ABCC11: variants seen among roughly 807,000 people sequenced by gnomAD.
ABCC11 encodes the protein ATP binding cassette subfamily C member 11.
In ABCC11, 135 loss-of-function variants were observed where a neutral mutation model predicts 149.3. The ratio of observed to expected loss-of-function variants is 0.90; its 90% CI spans 0.79 to 1.04. The LOEUF is 1.04. ABCC11 is among the 50% of genes least tolerant of loss of function. The pLI is 0.00. For synonymous variants in ABCC11, 665 were observed against 671.4 expected (o/e 0.99, Z 0.15); for missense variants, 1,680 against 1,722.1 (o/e 0.98, Z 0.43).
chr16:48,196,220 T>G lies in ABCC11; in HGVS notation c.2404+12A>C, dbSNP rs759832632. ...TCCAAGAGAGAGCCCTGGGCTGGCA[T>G]GGGGACCGTACCTCCAGCTGCCTGG... On this transcript the variant is annotated intron_variant, in intron 18 of 29. Transcript: ENST00000356608. 5.0e-6 allele frequency: 8 copies of G among 1,613,822 alleles called. No individual in the cohort carries two copies. Among genetic ancestry groups the G allele is most frequent in the Non-Finnish European group, 6.8e-6 (8 of 1,179,886 alleles).
At chr16:48,207,230 C>T (rs1313702326) in intron 12 of ABCC11, among the ~76,000 whole-genome samples, 1 of 152,038 alleles carries the variant, frequency 6.6e-6, no homozygotes, top group Non-Finnish European at 1.5e-5. Flanking sequence ...GGTTGGGGCT[C>T]CCTGGGGAAG....
intron 4 of ABCC11, 106 bp from the exon 5 acceptor site, chr16:48,224,535 C>CAG (rs1332502844): frequency 7.9e-7 from 1 of 1,260,132 alleles, no homozygotes; most frequent in East Asian, 2.3e-5. Context: ...TCAAACATAA[C>CAG]AGAATAGAAC....
At chr16:48,242,377 A>G (rs562634377) in intron 1 of ABCC11, among the ~76,000 whole-genome samples, 1 of 152,314 alleles carries the variant, frequency 6.6e-6, no homozygotes, top group South Asian at 2.1e-4. Context: ...AATGGCAATC[A>G]TTAAAAAGTC....
At chr16:48,245,283 CAT>C (rs1359006113) in intron 1 of ABCC11, among the ~76,000 whole-genome samples, 1 of 152,306 alleles carries the variant, frequency 6.6e-6, no homozygotes, top group Non-Finnish European at 1.5e-5. Context: ...CTCCTTCACT[CAT>C]AACATTTCTT....
chr16:48,216,247 T>C lies in ABCC11; in HGVS notation c.818A>G (p.Glu273Gly). The C allele has an allele frequency of 6.2e-7, 1 of 1,613,936 alleles. No individual in the cohort carries two copies. ...TACTAGGGGTCCATAGCACACCCCT[T>C]CAAACAGGTAGTTTACATCACCGGT... ...FFTGDVNYLF[E>G]GVCYGPLVLI... The change falls in exon 7 of 30, where the codon GAA becomes GGA. Residue 273 changes from glutamate to glycine, a missense_variant. Glu to Gly is a moderately conservative substitution (Grantham distance 98). Coordinates refer to ENST00000356608, the MANE Select transcript of ABCC11 (RefSeq NM_001370497.1).
At position 48,220,899 on chromosome 16, in the gene ABCC11, G is replaced by C. The variant is rs1969690860; in HGVS notation, c.777+1699C>G. 2.0e-5 allele frequency among the ~76,000 whole-genome samples: 3 copies of C among 152,160 alleles called. No individual in the cohort carries two copies. The South Asian group carries it at 6.2e-4, about 32-fold the overall frequency. On this transcript the variant is annotated intron_variant, in intron 6 of 29. Transcript: ENST00000356608. ...TCTGAAATGGTTTGTGTCTTTGAAG[G>C]GGGCTCATATTAGTAGGGCAGCCAG...
rs972453264 is a variant in ABCC11, at chr16:48,167,377, G to C, written c.4057-11C>G. The C allele has an allele frequency of 2.1e-6, 3 of 1,435,748 alleles. No individual in the cohort carries two copies. The highest frequency in any genetic ancestry group is 2.9e-6 in the Non-Finnish European group (3 of 1,017,272). The allele number at this position is 1,435,748 out of a possible 1,614,324, so 88.9% of individuals were successfully genotyped here. On this transcript the variant is annotated splice_polypyrimidine_tract_variant and intron_variant, in intron 29 of 29. Transcript: ENST00000356608. ...ATCAAATTCTACCACCTGGAGGGTA[G>C]AGAAAGGCGAGGGGAGGATCAGGGC...
At chr16:48,224,081 G>A (rs1270859429) in intron 5 of ABCC11, among the ~76,000 whole-genome samples, 1 of 152,158 alleles carries the variant, frequency 6.6e-6, no homozygotes, top group Non-Finnish European at 1.5e-5. Context: ...AATCCAAGCA[G>A]TGGCTACAGG....
intron 4 of ABCC11, among the ~76,000 whole-genome samples, chr16:48,227,446 A>G (rs1013962276): frequency 1.4e-4 from 21 of 150,692 alleles, no homozygotes; most frequent in African/African-American, 4.9e-4. Flanking sequence ...GCTGCACTCC[A>G]GCCTGGGTGA....
At position 48,227,820 on chromosome 16, in the gene ABCC11, G is replaced by A. The variant is rs1970172188; in HGVS notation, c.381C>T (p.Asp127=). 16 of 1,613,810 alleles carry A rather than the reference G, an allele frequency of 9.9e-6. No individual in the cohort carries two copies. Among genetic ancestry groups the A allele is most frequent in the Admixed American group, 3.3e-5 (2 of 59,988 alleles). ...IPPLSVHDAS[D]KNVQRLHRLW... is the part of the protein sequence containing the mutation. ...CGCAGCTTCACCTTTGGACATTTTT[G>A]TCTGAGGCATCATGGACTGACAGTG... The change falls in exon 4 of 30, where the codon GAC becomes GAT. Residue 127 remains aspartate (D), a synonymous_variant. Coordinates refer to ENST00000356608, the MANE Select transcript of ABCC11 (RefSeq NM_001370497.1).
intron 1 of ABCC11, among the ~76,000 whole-genome samples, chr16:48,239,089 C>A (rs896247207): frequency 6.6e-6 from 1 of 151,934 alleles, no homozygotes; most frequent in Admixed American, 6.6e-5. Context: ...ATTACACCTA[C>A]AACCACCTGA....
chr16:48,222,317 TC>T (rs1214708976), intron 6 of ABCC11, among the ~76,000 whole-genome samples: 3 of 152,080 alleles, frequency 2.0e-5, no homozygotes, highest in African/African-American at 7.2e-5. Flanking sequence ...ACTTAAACAA[TC>T]CTCCTGCCTG....
rs1027452907 is a variant in ABCC11, at chr16:48,200,467, C to T, written c.1891G>A (p.Gly631Ser). Reference protein sequence around the residue: ...FGDMTEIGERGLNLSGGQKQR... With the variant: ...FGDMTEIGERSLNLSGGQKQR... ...TTCTGCCCCCCAGAGAGGTTGAGGC[C>T]CCGCTCTCCAATCTGCAGACAGGCA... The change falls in exon 15 of 30, where the codon GGC (glycine) becomes AGC (serine). Residue 631 changes from glycine (G) to serine (S), a missense_variant. Coordinates refer to ENST00000356608, the MANE Select transcript of ABCC11 (RefSeq NM_001370497.1). 7.4e-6 allele frequency: 12 copies of T among 1,613,902 alleles called. No individual in the cohort carries two copies. In the Admixed American group the frequency reaches 1.3e-4, roughly 18 times the overall value.
intron 24 of ABCC11, among the ~76,000 whole-genome samples, chr16:48,177,507 C>A (rs1966161103): frequency 6.6e-6 from 1 of 152,202 alleles, no homozygotes; most frequent in African/African-American, 2.4e-5. Flanking sequence ...ATGAGACAGG[C>A]CTTTTTGGAG....
chr16:48,170,994 TCAA>T (rs777662704), intron 26 of ABCC11, 27 bp from the exon 27 acceptor site: 10 of 1,553,302 alleles, frequency 6.4e-6, no homozygotes, highest in Admixed American at 1.7e-5. Context: ...AGAGAAGTGT[TCAA>T]CAACATCACC....
intron 6 of ABCC11, among the ~76,000 whole-genome samples, chr16:48,222,283 GC>G (rs1361065407): frequency 6.6e-6 from 1 of 151,958 alleles, no homozygotes; most frequent in Non-Finnish European, 1.5e-5. Flanking sequence ...TTTCCATGTT[GC>G]CCAGGCTAGT....
intron 25 of ABCC11, 24 bp from the exon 26 acceptor site, chr16:48,175,441 G>A (rs1965994153): frequency 2.5e-6 from 4 of 1,593,138 alleles, no homozygotes; most frequent in South Asian, 1.1e-5. Flanking sequence ...AACAAGCGGG[G>A]CCTCAGTTTC....
intron 10 of ABCC11, among the ~76,000 whole-genome samples, chr16:48,213,046 T>C (rs924508192): frequency 5.9e-5 from 9 of 152,186 alleles, no homozygotes; most frequent in African/African-American, 1.7e-4. Context: ...TGGTCCAGGG[T>C]CACTAGACCT....
At chr16:48,180,348 C>T (rs139822957) in intron 23 of ABCC11, among the ~76,000 whole-genome samples, 1 of 152,248 alleles carries the variant, frequency 6.6e-6, no homozygotes, top group East Asian at 1.9e-4. Flanking sequence ...CTGCAGCAGC[C>T]ATTTTGTGAC....
Sources: allele counts gnomAD v4.1 joint callset (sites outside exome capture counted in the v4.1 genomes callset), GRCh38; gene constraint gnomAD v4.1.1; transcripts MANE v1.5; gene names NCBI Gene and HGNC (gene_info 2026-07-23, HGNC 2026-07-21).